The following KAZN variants were observed in gnomAD, a reference collection of about 807,000 sequenced individuals.
KAZN encodes kazrin.
A neutral mutation model predicts 87.4 loss-of-function variants in KAZN; 40 were observed. The observed-to-expected ratio is 0.46, with a 90% CI of 0.36 to 0.60. The LOEUF (loss-of-function observed/expected upper bound fraction) is 0.60. Ranked by LOEUF, KAZN falls within the 20% of genes least tolerant of loss-of-function variation. The pLI is 0.00. For missense variants in KAZN, 898 were observed against 1,073.9 expected (o/e 0.84, Z 2.29); for synonymous variants, 466 against 458.3 (o/e 1.02, Z -0.22).
Position 15,116,039 on chromosome 1 carries a change from G to C in KAZN, c.*1404G>C, listed in dbSNP as rs1007795507. 6.6e-6 allele frequency: 1 copy of C among 152,252 alleles called. No individual in the cohort carries two copies. Among genetic ancestry groups the C allele is most frequent in the African/African-American group, 2.4e-5 (1 of 41,462 alleles). The allele number at this position is 152,252 out of a possible 1,614,324, so 9.4% of individuals were successfully genotyped here. ...GAAACATATAAATCCCATGAGCACA[G>C]CCTTGAAAACCAGTTTGACTCAAGC... On this transcript the variant is annotated 3_prime_UTR_variant, in exon 15 of 15. Transcript: ENST00000376030.
chr1:14,218,970 A>G (rs1647030433), intron 2 of KAZN, among the ~76,000 whole-genome samples: 1 of 152,152 alleles, frequency 6.6e-6, no homozygotes, highest in Admixed American at 6.5e-5. Flanking sequence ...AGAATACAAT[A>G]CTATTAATAT....
intron 1 of KAZN, among the ~76,000 whole-genome samples, chr1:14,891,065 C>T (rs553839496): frequency 1.8e-3 from 274 of 149,492 alleles, no homozygotes; most frequent in Middle Eastern, 3.7e-3. Flanking sequence ...AGGATGGTCT[C>T]GATCTCCTGA....
intron 1 of KAZN, among the ~76,000 whole-genome samples, chr1:14,128,753 G>A (rs1277944368): frequency 1.3e-5 from 2 of 152,112 alleles, no homozygotes; most frequent in Non-Finnish European, 2.9e-5. Flanking sequence ...CATAATAGGT[G>A]TCCTCACTGT....
At chr1:14,228,487 T>A (rs932099903) in intron 2 of KAZN, among the ~76,000 whole-genome samples, 3 of 152,188 alleles carry the variant, frequency 2.0e-5, no homozygotes, top group African/African-American at 7.2e-5. Flanking sequence ...AGAAGCAGTG[T>A]TCTGTAGATC....
chr1:14,713,159 T>A (rs1642578581), intron 1 of KAZN, among the ~76,000 whole-genome samples: 1 of 152,154 alleles, frequency 6.6e-6, no homozygotes, highest in Non-Finnish European at 1.5e-5. Context: ...GCTCTGTGTG[T>A]CTCTCCTCCT....
chr1:14,271,209 C>T (rs1366173259), intron 2 of KAZN, among the ~76,000 whole-genome samples: 1 of 152,172 alleles, frequency 6.6e-6, no homozygotes, highest in Non-Finnish European at 1.5e-5. Flanking sequence ...GGATTAGGGC[C>T]CACCCTCATG....
intron 11 of KAZN, among the ~76,000 whole-genome samples, chr1:15,102,662 A>T (rs1233363714): frequency 5.3e-5 from 8 of 152,206 alleles, no homozygotes; most frequent in Non-Finnish European, 7.3e-5. Context: ...ACTGAAAAGC[A>T]TCCACTGTGT....
At chr1:14,233,906 C>T (rs546941577) in intron 2 of KAZN, among the ~76,000 whole-genome samples, 2 of 152,228 alleles carry the variant, frequency 1.3e-5, no homozygotes, top group African/African-American at 4.8e-5. Context: ...ACAACAGATG[C>T]TGGAGGGGAT....
intron 1 of KAZN, among the ~76,000 whole-genome samples, chr1:14,807,548 C>A (rs1473132605): frequency 6.6e-6 from 1 of 152,128 alleles, no homozygotes; most frequent in Non-Finnish European, 1.5e-5. Context: ...GCGGGAGGAT[C>A]ACTTGAGCCC....
At chr1:14,050,163 T>C (rs1642261472) in intron 1 of KAZN, among the ~76,000 whole-genome samples, 1 of 151,106 alleles carries the variant, frequency 6.6e-6, no homozygotes, top group Non-Finnish European at 1.5e-5. Flanking sequence ...CTTGTGCGCG[T>C]GTGTGGGTGT....
At chr1:14,920,342 T>A (rs1012592238) in intron 1 of KAZN, among the ~76,000 whole-genome samples, 1 of 139,918 alleles carries the variant, frequency 7.1e-6, no homozygotes, top group African/African-American at 2.6e-5. Flanking sequence ...GGGGACCCTG[T>A]CTGGCCTCAG....
chr1:14,395,961 G>A (rs372052735), intron 2 of KAZN, among the ~76,000 whole-genome samples: 103 of 152,046 alleles, frequency 6.8e-4, no homozygotes, highest in African/African-American at 2.3e-3. Flanking sequence ...GAGGTCAGAC[G>A]CTCGAGACCA....
At chr1:14,079,240 G>C (rs1052643955) in intron 1 of KAZN, among the ~76,000 whole-genome samples, 1 of 152,206 alleles carries the variant, frequency 6.6e-6, no homozygotes, top group Non-Finnish European at 1.5e-5. Context: ...GAGGTGCCAG[G>C]CTCTTTAACT....
At chr1:15,022,671 G>A (rs1460462396) in intron 2 of KAZN, among the ~76,000 whole-genome samples, 3 of 152,200 alleles carry the variant, frequency 2.0e-5, no homozygotes, top group Non-Finnish European at 4.4e-5. Flanking sequence ...GACATTTAAG[G>A]CATGGGAAGT....
At chr1:14,574,442 C>T (rs1675056568) in intron 2 of KAZN, among the ~76,000 whole-genome samples, 1 of 152,110 alleles carries the variant, frequency 6.6e-6, no homozygotes, top group Admixed American at 6.5e-5. Flanking sequence ...GGCGATTTCC[C>T]CCATACTGGA....
chr1:14,568,083 G>A (rs1410302998), intron 2 of KAZN, among the ~76,000 whole-genome samples: 1 of 152,238 alleles, frequency 6.6e-6, no homozygotes, highest in Non-Finnish European at 1.5e-5. Flanking sequence ...TTAAAAGGGG[G>A]ATTACTGTGG....
chr1:14,881,272 G>A (rs767472371), intron 1 of KAZN, among the ~76,000 whole-genome samples: 3 of 152,232 alleles, frequency 2.0e-5, no homozygotes, highest in African/African-American at 7.2e-5. Context: ...CAGGGTGACA[G>A]GTCAGATAAT....
At chr1:13,904,937 C>T (rs1439305724) in intron 1 of KAZN, among the ~76,000 whole-genome samples, 4 of 151,840 alleles carry the variant, frequency 2.6e-5, no homozygotes, top group Non-Finnish European at 5.9e-5. Flanking sequence ...TATTTTCCAT[C>T]TTTGTCTCTC....
At chr1:14,025,468 A>G (rs1274101016) in intron 1 of KAZN, among the ~76,000 whole-genome samples, 1 of 152,206 alleles carries the variant, frequency 6.6e-6, no homozygotes, top group African/African-American at 2.4e-5. Context: ...CAAAGAAGAC[A>G]AGCTTTGTTC....
Sources: gnomAD v4.1 joint callset for allele counts (sites outside exome capture counted in the v4.1 genomes callset) on GRCh38, gnomAD v4.1.1 for gene constraint, MANE v1.5 for transcripts, NCBI Gene and HGNC (gene_info 2026-07-23, HGNC 2026-07-21) for gene names.